Variants in RHOU observed in about 807,000 individuals in gnomAD.
The protein encoded by RHOU is rho-related GTP-binding protein RhoU.
Under a neutral mutation model 12.6 loss-of-function variants are expected in RHOU, and 8 were observed. The observed-to-expected ratio is 0.64, with a 90% CI of 0.37 to 1.15. The LOEUF is 1.15. RHOU is among the 50% of genes most tolerant of loss of function. The pLI is 0.01. For synonymous variants in RHOU, 161 were observed against 147.4 expected (o/e 1.09, Z -0.67); for missense variants, 258 against 347.0 (o/e 0.74, Z 2.04).
Position 228,744,103 on chromosome 1 carries a change from C to T in RHOU, c.*363C>T, listed in dbSNP as rs1662778054. 4.8e-6 allele frequency: 1 copy of T among 206,934 alleles called. No individual in the cohort carries two copies. Among genetic ancestry groups the T allele is most frequent in the Non-Finnish European group, 9.8e-6 (1 of 102,356 alleles). 12.8% of individuals were successfully genotyped at this position (206,934 alleles called of 1,614,324 possible). Reference sequence around the variant, plus strand: ...TGTACAGAAGAGCAAAAGGGAGGAACACTATGGTTAACCCTCTCTTGATTA... The same window carrying T: ...TGTACAGAAGAGCAAAAGGGAGGAATACTATGGTTAACCCTCTCTTGATTA... On this transcript the variant is annotated 3_prime_UTR_variant, in exon 3 of 3. Coordinates refer to ENST00000366691, the MANE Select transcript of RHOU (RefSeq NM_021205.6).
chr1:228,701,535 TG>T, the RHOU span, among the ~76,000 whole-genome samples: 6 of 152,122 alleles, frequency 3.9e-5, no homozygotes, highest in Non-Finnish European at 7.4e-5. Flanking sequence ...AACCAAAGTT[TG>T]CTTTTGTATT....
the RHOU span, chr1:228,650,113 A>G: frequency 8.5e-5 from 37 of 434,134 alleles, no homozygotes; most frequent in Non-Finnish European, 1.6e-4. Flanking sequence ...ACTCTTGAAT[A>G]CAGATTTCTA....
At chr1:228,691,603 A>G in the RHOU span, among the ~76,000 whole-genome samples, 24 of 152,258 alleles carry the variant, frequency 1.6e-4, no homozygotes, top group African/African-American at 5.3e-4. Context: ...TTTAGTGATG[A>G]ATGATATTCA....
chr1:228,731,345 T>A (rs912426859), upstream of RHOU, among the ~76,000 whole-genome samples: 1 of 152,194 alleles, frequency 6.6e-6, no homozygotes, highest in African/African-American at 2.4e-5. Flanking sequence ...AAGATTCTTA[T>A]GAATAGGGCA....
At chr1:228,659,104 C>T in the RHOU span, among the ~76,000 whole-genome samples, 12 of 152,232 alleles carry the variant, frequency 7.9e-5, no homozygotes, top group Middle Eastern at 3.4e-3. Flanking sequence ...AAAAGCCGAG[C>T]GTCATGGCTC....
chr1:228,720,934 C>T, the RHOU span, among the ~76,000 whole-genome samples: 1 of 152,208 alleles, frequency 6.6e-6, no homozygotes, highest in African/African-American at 2.4e-5. Flanking sequence ...AAGAAATCTC[C>T]ACAGCCTTCC....
chr1:228,668,440 G>A, the RHOU span, among the ~76,000 whole-genome samples: 3 of 152,130 alleles, frequency 2.0e-5, no homozygotes, highest in Admixed American at 6.6e-5. Flanking sequence ...TGTCTTGTGG[G>A]ACCAAGCCTT....
chr1:228,658,286 CAAAAAAA>C, the RHOU span, among the ~76,000 whole-genome samples: 25 of 93,964 alleles, frequency 2.7e-4, no homozygotes, highest in African/African-American at 9.4e-4. Context: ...GACCCTGTCT[CAAAAAAA>C]AAAAAAAAAA....
At chr1:228,722,427 C>T in the RHOU span, among the ~76,000 whole-genome samples, 2 of 152,168 alleles carry the variant, frequency 1.3e-5, no homozygotes, top group Non-Finnish European at 2.9e-5. Context: ...CTCACCAGCA[C>T]CTCCCTTGGA....
chr1:228,668,534 C>T, the RHOU span, among the ~76,000 whole-genome samples: 5 of 152,074 alleles, frequency 3.3e-5, no homozygotes, highest in Admixed American at 6.6e-5. Flanking sequence ...GAGAAATGGT[C>T]GGTGAGGGCA....
At chr1:228,661,009 C>CA in the RHOU span, among the ~76,000 whole-genome samples, 12 of 150,766 alleles carry the variant, frequency 8.0e-5, no homozygotes, top group Non-Finnish European at 1.8e-4. Context: ...AATCAATGTG[C>CA]AAAAAATCAC....
At chr1:228,690,966 T>C in the RHOU span, among the ~76,000 whole-genome samples, 1 of 152,228 alleles carries the variant, frequency 6.6e-6, no homozygotes, top group Non-Finnish European at 1.5e-5. Context: ...TACTGTGTTT[T>C]GTGCTTTTAT....
At chr1:228,732,552 C>T (rs1480185498), upstream of RHOU, among the ~76,000 whole-genome samples, 2 of 152,046 alleles carry the variant, frequency 1.3e-5, no homozygotes, top group African/African-American at 4.8e-5. Context: ...AACTGTTTGG[C>T]GTGGGGTCTG....
the RHOU span, among the ~76,000 whole-genome samples, chr1:228,693,096 C>T: frequency 2.0e-5 from 3 of 151,966 alleles, no homozygotes; most frequent in Non-Finnish European, 2.9e-5. Context: ...GTATTCTCTT[C>T]GGTAATAATC....
the RHOU span, among the ~76,000 whole-genome samples, chr1:228,691,228 CA>C: frequency 6.6e-6 from 1 of 152,220 alleles, no homozygotes. Flanking sequence ...ACGTTTGTTA[CA>C]ATCAATAAAT....
the RHOU span, among the ~76,000 whole-genome samples, chr1:228,646,995 A>T: frequency 6.6e-6 from 1 of 150,854 alleles, no homozygotes; most frequent in Non-Finnish European, 1.5e-5. Flanking sequence ...AGGGAAGGCT[A>T]GAGAAATAAC....
the RHOU span, among the ~76,000 whole-genome samples, chr1:228,707,692 A>G: frequency 6.6e-6 from 1 of 152,136 alleles, no homozygotes; most frequent in African/African-American, 2.4e-5. Flanking sequence ...AGTAGATAAA[A>G]CCACAAAGAT....
chr1:228,654,758 G>A, the RHOU span, among the ~76,000 whole-genome samples: 1 of 152,144 alleles, frequency 6.6e-6, no homozygotes, highest in Admixed American at 6.5e-5. Flanking sequence ...CCCAACACAG[G>A]TTTTTGTTCA....
At chr1:228,697,540 A>T in the RHOU span, among the ~76,000 whole-genome samples, 1 of 152,182 alleles carries the variant, frequency 6.6e-6, no homozygotes, top group South Asian at 2.1e-4. Flanking sequence ...AAGGAATTTA[A>T]GGGACGGAGA....
Sources: gnomAD v4.1 joint callset for allele counts (sites outside exome capture counted in the v4.1 genomes callset) on GRCh38, gnomAD v4.1.1 for gene constraint, MANE v1.5 for transcripts, NCBI Gene and HGNC (gene_info 2026-07-23, HGNC 2026-07-21) for gene names.